FLT3LG: variants seen among roughly 807,000 people sequenced by gnomAD.
FLT3LG encodes the protein fms-related tyrosine kinase 3 ligand.
A neutral mutation model predicts 30.9 loss-of-function variants in FLT3LG; 8 were observed. The observed-to-expected ratio is 0.26, with a 90% CI of 0.15 to 0.47. The LOEUF is 0.47. FLT3LG is among the 20% of genes least tolerant of loss of function. The pLI is 0.99. For missense variants in FLT3LG, 278 were observed against 306.2 expected (o/e 0.91, Z 0.69); for synonymous variants, 123 against 135.9 (o/e 0.91, Z 0.66).
chr19:49,481,822 G>C (rs2079622856), intron 8 of FLT3LG: 1 of 151,834 alleles, frequency 6.6e-6, no homozygotes, highest in African/African-American at 2.4e-5. Flanking sequence ...CTCCCAAGTA[G>C]CTGGGATTAC....
intron 1 of FLT3LG, 49 bp from the exon 2 acceptor site, chr19:49,474,553 CA>C: frequency 7.4e-7 from 1 of 1,353,748 alleles, no homozygotes; most frequent in South Asian, 1.2e-5. Context: ...GCGGGCAGGG[CA>C]GGGGCTGGGG....
At chr19:49,483,352 G>A (rs561566312) in intron 8 of FLT3LG, among the ~76,000 whole-genome samples, 6 of 150,060 alleles carry the variant, frequency 4.0e-5, no homozygotes, top group African/African-American at 9.8e-5. Context: ...CCCTGACCTC[G>A]TGATCCGCCC....
chr19:49,481,031 CAA>C (rs57522107), intron 8 of FLT3LG: 60 of 88,336 alleles, frequency 6.8e-4, no homozygotes, highest in Middle Eastern at 6.8e-3. Flanking sequence ...GACTCCGTCT[CAA>C]AAAAAAAAAA....
At chr19:49,480,673 G>A (rs2079573993) in intron 8 of FLT3LG, 53 bp downstream of exon 8, 1 of 1,539,366 alleles carries the variant, frequency 6.5e-7, no homozygotes, top group African/African-American at 1.4e-5. Context: ...AGGTTGGGAG[G>A]GTCACTAGGA....
chr19:49,477,507 G>C (rs894703886), intron 5 of FLT3LG, among the ~76,000 whole-genome samples: 1 of 151,998 alleles, frequency 6.6e-6, no homozygotes, highest in African/African-American at 2.4e-5. Context: ...GGGAGGCTGA[G>C]GCGGGTGGAT....
Position 49,480,307 on chromosome 19 carries a change from C to G in FLT3LG, c.491C>G (p.Thr164Ser), listed in dbSNP as rs1037733546. Residue 164 changes from threonine (T) to serine (S), a missense_variant, in exon 7 of 9, where the codon ACC becomes AGC. Transcript: ENST00000597551. ...TCCTCTTTCTCCCCAGACTCCTCAA[C>G]CCTGCCACCCCCATGGAGTCCCCGG... ...LELQCQPDSS[T>S]LPPPWSPRPL... 1.3e-6 allele frequency: 2 copies of G among 1,598,312 alleles called. No individual in the cohort carries two copies. The highest frequency in any genetic ancestry group is 1.7e-5 in the Admixed American group (1 of 59,018).
At position 49,476,127 on chromosome 19, in the gene FLT3LG, T is replaced by C. The variant is rs760777498; in HGVS notation, c.145-18T>C. On this transcript the variant is annotated intron_variant, in intron 3 of 8. Transcript: ENST00000597551. This position sits in a 1 kb window ranked among gnomAD's most constrained non-coding sequence, Gnocchi z 5.3. ...TCTCGCTGTTTTCAGCCAGGCCTGA[T>C]CCTGTTTTCTCCCGCAGTCTGACTA... The C allele has an allele frequency of 3.1e-6, 5 of 1,613,772 alleles. No individual in the cohort carries two copies. Among genetic ancestry groups the C allele is most frequent in the Non-Finnish European group, 4.2e-6 (5 of 1,179,902 alleles).
chr19:49,479,193 A>AT, intron 6 of FLT3LG, 146 bp downstream of exon 6: 13 of 670,700 alleles, frequency 1.9e-5, no homozygotes, highest in South Asian at 3.8e-5. Flanking sequence ...TCAGTTTACC[A>AT]ATTTTTTTTT....
chr19:49,476,693 G>A lies in FLT3LG; in HGVS notation c.342+127G>A, dbSNP rs1471148097. On this transcript the variant is annotated intron_variant, in intron 5 of 8. Coordinates refer to ENST00000597551, the MANE Select transcript of FLT3LG (RefSeq NM_001459.4). The surrounding 1 kb of genome is among the most constrained non-coding windows in gnomAD (Gnocchi z 5.3). ...ACCCAACGAAGGTAGAGCGAGAAGC[G>A]CCACCCTGCAGAGCCCTGTTCCTAC... 27 of 1,255,558 alleles carry A rather than the reference G, an allele frequency of 2.2e-5. No homozygotes were observed. Among genetic ancestry groups the A allele is most frequent in the East Asian group, 7.4e-5 (3 of 40,638 alleles). 77.8% of individuals were successfully genotyped at this position (1,255,558 alleles called of 1,614,324 possible).
At position 49,476,786 on chromosome 19, in the gene FLT3LG, T is replaced by C; in HGVS notation, c.342+220T>C. The C allele has an allele frequency of 1.8e-6, 1 of 545,708 alleles. No homozygotes were observed. The highest frequency in any genetic ancestry group is 3.4e-5 in the East Asian group (1 of 29,174). The allele number at this position is 545,708 out of a possible 1,614,324, so 33.8% of individuals were successfully genotyped here. On this transcript the variant is annotated intron_variant, in intron 5 of 8. Transcript: ENST00000597551. The surrounding 1 kb of genome is among the most constrained non-coding windows in gnomAD (Gnocchi z 5.3). ...GTCCCATTCTGGGGCCCCGGTTTCC[T>C]AGGCCATGATGAAGGGTGCCACTGA...
intron 1 of FLT3LG, 132 bp from the exon 2 acceptor site, chr19:49,474,471 G>A (rs963847808): frequency 1.2e-5 from 8 of 650,136 alleles, no homozygotes; most frequent in Non-Finnish European, 2.2e-5. Context: ...GCAGACGCAG[G>A]AAGCCTGGGG....
chr19:49,478,899 C>G lies in FLT3LG; in HGVS notation c.343-10C>G. On this transcript the variant is annotated splice_polypyrimidine_tract_variant and intron_variant, in intron 5 of 8. Transcript: ENST00000597551. ...GACGTGGTGGTGACGTCTCCCTCCC[C>G]TGCTCCCAGCCCCCCCCCAGCTGTC... 6.6e-7 allele frequency: 1 copy of G among 1,519,510 alleles called. No homozygotes were observed. Among genetic ancestry groups the G allele is most frequent in the Non-Finnish European group, 8.9e-7 (1 of 1,129,936 alleles). 94.1% of individuals were successfully genotyped at this position (1,519,510 alleles called of 1,614,324 possible).
chr19:49,474,985 G>A (rs1279710827), intron 2 of FLT3LG, among the ~76,000 whole-genome samples: 4 of 129,198 alleles, frequency 3.1e-5, no homozygotes, highest in Non-Finnish European at 6.5e-5. Context: ...ATGAACAGAG[G>A]AGAGGGAGAT....
intron 8 of FLT3LG, 109 bp downstream of exon 8, chr19:49,480,729 G>A (rs1412908097): frequency 3.4e-6 from 4 of 1,190,532 alleles, no homozygotes; most frequent in Non-Finnish European, 4.7e-6. Flanking sequence ...GGCAGCTCTA[G>A]GTGCAGAAAG....
rs770692324 is a variant in FLT3LG at position 49,475,691 on chromosome 19, A to C, written c.34A>C (p.Thr12Pro). ...TVLAPAWSPT[T>P]YLLLLLLLSS... ...TCCCCCAGCACCCGCTCCCCTGCAG[A>C]CCTATCTCCTCCTGCTGCTGCTGCT... The change falls in exon 3 of 9, where the codon ACC (threonine) becomes CCC (proline). Residue 12 changes from threonine (T) to proline (P), a missense_variant and splice_region_variant. By Grantham distance (38) the Thr-to-Pro change is conservative (BLOSUM62 -1). This residue lies in a region of FLT3LG where 40 missense variants were observed against 34.3 expected (regional missense o/e 1.17). Coordinates refer to ENST00000597551, the MANE Select transcript of FLT3LG (RefSeq NM_001459.4). The C allele has an allele frequency of 9.3e-6, 15 of 1,604,700 alleles. No homozygotes were observed. Among genetic ancestry groups the C allele is most frequent in the East Asian group, 4.5e-5 (2 of 44,848 alleles).
At chr19:49,485,327 G>A (rs192020666) in intron 8 of FLT3LG, among the ~76,000 whole-genome samples, 3 of 140,174 alleles carry the variant, frequency 2.1e-5, no homozygotes, top group Non-Finnish European at 4.5e-5. Context: ...TTGGCTCACC[G>A]CAACCTCTGC....
intron 5 of FLT3LG, among the ~76,000 whole-genome samples, chr19:49,477,233 G>C (rs1402080998): frequency 6.6e-6 from 1 of 152,072 alleles, no homozygotes; most frequent in African/African-American, 2.4e-5. Flanking sequence ...TTGAGCCCAG[G>C]AGTTCAAGAC....
rs941400928 is a variant in FLT3LG at position 49,484,599 on chromosome 19, C to A, written c.*22-1416C>A. Among the ~76,000 whole-genome samples, 7 of 151,960 alleles carry A rather than the reference C, an allele frequency of 4.6e-5. No individual in the cohort carries two copies. The East Asian group carries it at 1.4e-3, about 30-fold the overall frequency. On this transcript the variant is annotated intron_variant, in intron 8 of 8. Transcript: ENST00000597551. The stretch of plus-strand genomic sequence containing the variant: ...GCAACATCTGCCTCCCGGGTTCAAG[C>A]GATTCTACTGCCTCAGCCTCCTGAG...
At chr19:49,483,065 G>A (rs1270518817) in intron 8 of FLT3LG, among the ~76,000 whole-genome samples, 1 of 152,072 alleles carries the variant, frequency 6.6e-6, no homozygotes, top group Non-Finnish European at 1.5e-5. Flanking sequence ...TCATCATTTT[G>A]GGATATTTTA....
Sources: gnomAD v4.1 joint callset for allele counts (sites outside exome capture counted in the v4.1 genomes callset) on GRCh38, gnomAD v4.1.1 for gene constraint, gnomAD v4.1.1 regional missense constraint, Gnocchi (gnomAD v3.1) non-coding constraint, MANE v1.5 for transcripts, NCBI Gene and HGNC (gene_info 2026-07-23, HGNC 2026-07-21) for gene names.